NALF1: variants seen among roughly 807,000 people sequenced by gnomAD.
NALF1 encodes the protein NALCN channel auxiliary factor 1.
In NALF1, 3 loss-of-function variants were observed where a neutral mutation model predicts 48.4. The ratio of observed to expected loss-of-function variants is 0.06; its 90% CI spans 0.03 to 0.16. NALF1 has a LOEUF of 0.16. Ranked by LOEUF, NALF1 falls within the 10% of genes least tolerant of loss-of-function variation. The probability of loss-of-function intolerance (pLI) is 1.00; values close to 1 mark genes in which losing one functional copy is unlikely to be tolerated. For missense variants in NALF1, 526 were observed against 571.5 expected (o/e 0.92, Z 0.81); for synonymous variants, 262 against 245.7 (o/e 1.07, Z -0.62).
chr13:107,281,590 C>G (rs1479755354), intron 1 of NALF1, among the ~76,000 whole-genome samples: 39 of 152,168 alleles, frequency 2.6e-4, no homozygotes, highest in Admixed American at 1.3e-3. Context: ...AGTTATCTCT[C>G]CAGGCCTAAG....
intron 1 of NALF1, among the ~76,000 whole-genome samples, chr13:107,549,193 T>A (rs903602077): frequency 2.0e-5 from 3 of 152,160 alleles, no homozygotes; most frequent in Non-Finnish European, 4.4e-5. Flanking sequence ...GAAGTTAATA[T>A]CTCTGTTGCA....
intron 1 of NALF1, among the ~76,000 whole-genome samples, chr13:107,399,563 C>A (rs1209094183): frequency 6.6e-6 from 1 of 152,080 alleles, no homozygotes; most frequent in African/African-American, 2.4e-5. Context: ...GTGGCTCCTG[C>A]CATGTCACCA....
chr13:107,405,307 C>G (rs1883879771), intron 1 of NALF1, among the ~76,000 whole-genome samples: 1 of 152,100 alleles, frequency 6.6e-6, no homozygotes, highest in Non-Finnish European at 1.5e-5. Flanking sequence ...GAGATTTCTG[C>G]AAACCCATGC....
chr13:107,480,540 G>A (rs572060222), intron 1 of NALF1, among the ~76,000 whole-genome samples: 1 of 152,054 alleles, frequency 6.6e-6, no homozygotes, highest in African/African-American at 2.4e-5. Context: ...AATTGTCTTG[G>A]GCCACACATA....
intron 1 of NALF1, among the ~76,000 whole-genome samples, chr13:107,312,012 G>A (rs1372417448): frequency 6.6e-6 from 1 of 152,164 alleles, no homozygotes; most frequent in East Asian, 1.9e-4. Flanking sequence ...AAGTCAGTAT[G>A]GCGATTCCTC....
At chr13:107,837,528 G>C (rs758333422) in intron 1 of NALF1, among the ~76,000 whole-genome samples, 2 of 152,106 alleles carry the variant, frequency 1.3e-5, no homozygotes, top group Non-Finnish European at 2.9e-5. Context: ...CATGGATTTG[G>C]GGTGAGTTCT....
intron 1 of NALF1, among the ~76,000 whole-genome samples, chr13:107,251,418 C>G (rs1336139786): frequency 6.6e-6 from 1 of 152,140 alleles, no homozygotes; most frequent in Admixed American, 6.5e-5. Flanking sequence ...TTAAAAGACA[C>G]GAATTTGGTA....
chr13:107,310,412 A>G (rs1429269285), intron 1 of NALF1, among the ~76,000 whole-genome samples: 1 of 150,984 alleles, frequency 6.6e-6, no homozygotes, highest in Non-Finnish European at 1.5e-5. Context: ...TCCATCTCAA[A>G]AAAAAAAAAA....
At chr13:107,818,981 T>C (rs924919853) in intron 1 of NALF1, among the ~76,000 whole-genome samples, 14 of 151,574 alleles carry the variant, frequency 9.2e-5, no homozygotes, top group Admixed American at 2.6e-4. Flanking sequence ...TGAGGACTTA[T>C]AAAACATGAG....
intron 1 of NALF1, among the ~76,000 whole-genome samples, chr13:107,731,753 G>A (rs140705953): frequency 1.4e-4 from 21 of 152,216 alleles, no homozygotes; most frequent in Middle Eastern, 3.4e-3. Flanking sequence ...TTATGACTGC[G>A]TAGTATTCCA....
rs2138755023 is a variant in NALF1, at chr13:107,164,329, T to G, written c.*6168A>C. ...TATACTTTATCAAAAACTGAACAGG[T>G]TTTCTAACTTTTTCACTGTTATTTC... On this transcript the variant is annotated 3_prime_UTR_variant, in exon 3 of 3. Coordinates refer to ENST00000375915, the MANE Select transcript of NALF1 (RefSeq NM_001080396.3). 1 of 152,206 alleles carries G rather than the reference T, an allele frequency of 6.6e-6. No individual in the cohort carries two copies. Among genetic ancestry groups the G allele is most frequent in the South Asian group, 2.1e-4 (1 of 4,818 alleles). The allele number at this position is 152,206 out of a possible 1,614,324, so 9.4% of individuals were successfully genotyped here. A position where few individuals can be genotyped will look rare whatever the true frequency, so the allele number is the denominator to read the frequency against.
intron 1 of NALF1, among the ~76,000 whole-genome samples, chr13:107,468,424 G>T (rs1020385733): frequency 6.6e-6 from 1 of 152,198 alleles, no homozygotes; most frequent in African/African-American, 2.4e-5. Context: ...GTACATGGAA[G>T]AATGAAAGGA....
At chr13:107,410,493 G>A (rs1448322101) in intron 1 of NALF1, among the ~76,000 whole-genome samples, 2 of 152,140 alleles carry the variant, frequency 1.3e-5, no homozygotes, top group African/African-American at 4.8e-5. Flanking sequence ...GGCATAAATT[G>A]TTATTTAGGA....
intron 1 of NALF1, among the ~76,000 whole-genome samples, chr13:107,734,828 T>G (rs7321855): frequency 0.07 from 10,688 of 152,246 alleles, 642 homozygotes; most frequent in Non-Finnish European, 0.089. Flanking sequence ...TACTAAGAAT[T>G]TGTATGAGTA....
intron 1 of NALF1, among the ~76,000 whole-genome samples, chr13:107,769,124 C>T (rs1293214962): frequency 2.7e-5 from 4 of 148,386 alleles, no homozygotes; most frequent in Non-Finnish European, 5.9e-5. Context: ...TTGTGGAAGT[C>T]AGTGTGGCAA....
At chr13:107,382,911 A>G (rs1336712909) in intron 1 of NALF1, among the ~76,000 whole-genome samples, 1 of 152,216 alleles carries the variant, frequency 6.6e-6, no homozygotes, top group Non-Finnish European at 1.5e-5. Flanking sequence ...GAAACAGACA[A>G]CAGAAAGCTA....
At chr13:107,832,262 T>C in intron 1 of NALF1, among the ~76,000 whole-genome samples, 2 of 151,874 alleles carry the variant, frequency 1.3e-5, no homozygotes, top group Middle Eastern at 3.5e-3. Context: ...TTATATTTAA[T>C]CCATTCTATT....
At chr13:107,725,433 C>T (rs1236529310) in intron 1 of NALF1, among the ~76,000 whole-genome samples, 2 of 152,166 alleles carry the variant, frequency 1.3e-5, no homozygotes, top group East Asian at 1.9e-4. Context: ...TAGGGCTGGG[C>T]GCAGTGGCTC....
Position 107,610,651 on chromosome 13 carries a change from T to A in NALF1, c.915+255031A>T, listed in dbSNP as rs757045393. On this transcript the variant is annotated intron_variant, in intron 1 of 2. Coordinates refer to ENST00000375915, the MANE Select transcript of NALF1 (RefSeq NM_001080396.3). ...TAAGAGAATTTGAACATTATTTGTATCATTAAAGTTAAGTTATATGAAAAT... is the reference window on the plus strand; with the variant it reads ...TAAGAGAATTTGAACATTATTTGTAACATTAAAGTTAAGTTATATGAAAAT... Among the ~76,000 whole-genome samples the A allele has an allele frequency of 5.3e-5, 8 of 152,294 alleles. No individual in the cohort carries two copies. In the South Asian group the frequency reaches 6.2e-4, roughly 12 times the overall value.
Sources: allele counts gnomAD v4.1 joint callset (sites outside exome capture counted in the v4.1 genomes callset), GRCh38; gene constraint gnomAD v4.1.1; transcripts MANE v1.5; gene names NCBI Gene and HGNC (gene_info 2026-07-23, HGNC 2026-07-21).